The following ERP27 variants were observed in gnomAD, a reference collection of about 807,000 sequenced individuals.
ERP27 encodes endoplasmic reticulum protein 27.
In ERP27, 23 loss-of-function variants were observed where a neutral mutation model predicts 27.7. The ratio of observed to expected loss-of-function variants is 0.83; its 90% CI spans 0.60 to 1.18. ERP27 has a LOEUF of 1.18. ERP27 is among the 50% of genes most tolerant of loss of function. The pLI, the probability that ERP27 is intolerant of heterozygous loss-of-function variation, is 0.00. For synonymous variants in ERP27, 159 were observed against 118.3 expected, an observed-to-expected ratio of 1.34 and a Z score of -2.23; for missense variants, 363 against 327.9, an observed-to-expected ratio of 1.11 and a Z score of -0.83.
intron 6 of ERP27, 83 bp from the exon 7 acceptor site, chr12:14,914,865 T>G: frequency 9.2e-7 from 1 of 1,088,920 alleles, no homozygotes; most frequent in Non-Finnish European, 1.4e-6. Context: ...CTTTAATTTT[T>G]ATCTCATGAA....
intron 3 of ERP27, among the ~76,000 whole-genome samples, chr12:14,922,186 T>C (rs1436534960): frequency 1.3e-5 from 2 of 152,184 alleles, no homozygotes; most frequent in Non-Finnish European, 2.9e-5. Context: ...TTATAGGATA[T>C]GTATATAGTT....
At chr12:14,935,724 A>T (rs1863763444) in intron 2 of ERP27, among the ~76,000 whole-genome samples, 1 of 152,028 alleles carries the variant, frequency 6.6e-6, no homozygotes, top group African/African-American at 2.4e-5. Flanking sequence ...GTGGCTTAAG[A>T]TGTACTTTGT....
At chr12:14,929,194 G>A in intron 3 of ERP27, 1 of 1,294,800 alleles carries the variant, frequency 7.7e-7, no homozygotes, top group Non-Finnish European at 9.9e-7. Context: ...AGAACAGGGA[G>A]AACAAGAAAA....
chr12:14,921,132 G>T, intron 3 of ERP27, 84 bp from the exon 4 acceptor site: 2 of 1,136,164 alleles, frequency 1.8e-6, no homozygotes, highest in East Asian at 2.4e-5. Context: ...CATGTGACAG[G>T]CACTGATTAA....
At chr12:14,917,956 A>G (rs998952005) in intron 4 of ERP27, among the ~76,000 whole-genome samples, 2 of 152,228 alleles carry the variant, frequency 1.3e-5, no homozygotes, top group African/African-American at 4.8e-5. Flanking sequence ...CTAATACACT[A>G]TGTAACATAT....
chr12:14,920,171 A>G (rs1233041048), intron 4 of ERP27, among the ~76,000 whole-genome samples: 1 of 152,264 alleles, frequency 6.6e-6, no homozygotes, highest in African/African-American at 2.4e-5. Context: ...AGACTGTTAT[A>G]GTCTATAGAA....
chr12:14,917,453 G>T (rs1863429195), intron 4 of ERP27, 150 bp from the exon 5 acceptor site: 2 of 1,079,990 alleles, frequency 1.9e-6, no homozygotes, highest in Non-Finnish European at 2.7e-6. Flanking sequence ...TCTCAGTTAA[G>T]TCTTACCATC....
At chr12:14,917,398 G>C (rs1863428339) in intron 4 of ERP27, 95 bp from the exon 5 acceptor site, 1 of 1,537,378 alleles carries the variant, frequency 6.5e-7, no homozygotes, top group Admixed American at 1.7e-5. Flanking sequence ...ACTTAAATGA[G>C]AGCTGGCCAC....
intron 3 of ERP27, among the ~76,000 whole-genome samples, chr12:14,928,366 C>T (rs1863641348): frequency 1.3e-5 from 2 of 152,174 alleles, no homozygotes; most frequent in East Asian, 1.9e-4. Context: ...GTGATGATTC[C>T]TATTTCACCT....
chr12:14,928,828 C>G, intron 3 of ERP27: 1 of 1,040,376 alleles, frequency 9.6e-7, no homozygotes, highest in Non-Finnish European at 1.4e-6. Context: ...TGCCCACCCT[C>G]CTACCACCTC....
At chr12:14,929,055 T>G in intron 3 of ERP27, 4 of 1,533,150 alleles carry the variant, frequency 2.6e-6, no homozygotes, top group Non-Finnish European at 3.5e-6. Context: ...TTGATGTGTC[T>G]AAATGCTTCC....
intron 3 of ERP27, among the ~76,000 whole-genome samples, chr12:14,924,749 A>T (rs759276348): frequency 2.0e-5 from 3 of 152,208 alleles, no homozygotes; most frequent in Non-Finnish European, 4.4e-5. Context: ...ATGAGCTGAG[A>T]CCTACTGGGC....
At chr12:14,920,900 T>C (rs1863491742) in intron 4 of ERP27, 32 bp downstream of exon 4, 1 of 1,566,528 alleles carries the variant, frequency 6.4e-7, no homozygotes, top group East Asian at 2.2e-5. Flanking sequence ...ACTCAGGGTC[T>C]GAAGGGACTA....
Position 14,914,383 on chromosome 12 carries a change from CCT to C in ERP27, c.*350_*351del. On this transcript the variant is annotated 3_prime_UTR_variant, in exon 7 of 7. Transcript: ENST00000266397. ...TTGGAACAATCTTTCTCTAGGAATG[CCT>C]CTCTTTCATAGAGGCATCACAGTGA... 4.1e-6 allele frequency: 1 copy of C among 243,992 alleles called. No individual in the cohort carries two copies. Among genetic ancestry groups the C allele is most frequent in the East Asian group, 8.1e-5 (1 of 12,386 alleles). 15.1% of individuals were successfully genotyped at this position (243,992 alleles called of 1,614,324 possible).
At chr12:14,919,670 GCA>G (rs1863469539) in intron 4 of ERP27, among the ~76,000 whole-genome samples, 1 of 152,168 alleles carries the variant, frequency 6.6e-6, no homozygotes, top group Non-Finnish European at 1.5e-5. Context: ...TCAGTCACAG[GCA>G]CCAGTCATAA....
chr12:14,938,338 A>T (rs1430555924), intron 1 of ERP27, 77 bp downstream of exon 1: 2 of 1,441,610 alleles, frequency 1.4e-6, no homozygotes, highest in Non-Finnish European at 2.0e-6. Flanking sequence ...AAAAGTACCC[A>T]GAGAACCACC....
chr12:14,916,960 T>G (rs1249507532), intron 5 of ERP27, among the ~76,000 whole-genome samples: 2 of 152,178 alleles, frequency 1.3e-5, no homozygotes, highest in Non-Finnish European at 2.9e-5. Flanking sequence ...AAACCCACAC[T>G]TAATCACTAC....
At chr12:14,920,033 G>T (rs1344086569) in intron 4 of ERP27, among the ~76,000 whole-genome samples, 1 of 152,220 alleles carries the variant, frequency 6.6e-6, no homozygotes, top group Admixed American at 6.5e-5. Flanking sequence ...TGCATGTAAA[G>T]AACTGGTATT....
At chr12:14,916,076 C>T (rs1235703797) in intron 5 of ERP27, among the ~76,000 whole-genome samples, 2 of 151,968 alleles carry the variant, frequency 1.3e-5, no homozygotes, top group Non-Finnish European at 2.9e-5. Flanking sequence ...TGGTGCTGGG[C>T]TTAATGTGTG....
Sources: gnomAD v4.1 joint callset for allele counts (sites outside exome capture counted in the v4.1 genomes callset) on GRCh38, gnomAD v4.1.1 for gene constraint, MANE v1.5 for transcripts, NCBI Gene and HGNC (gene_info 2026-07-23, HGNC 2026-07-21) for gene names.